Variants in KSR1 observed in about 807,000 individuals in gnomAD.
KSR1 encodes kinase suppressor of ras.
KSR1 carries 35 observed loss-of-function variants against 92.9 expected under a neutral mutation model. That is an observed-to-expected ratio of 0.38 (90% CI 0.29 to 0.50). The LOEUF is 0.50. Among genes scored for constraint, KSR1 ranks in the 20% least tolerant of loss-of-function variants. The pLI is 0.94. For synonymous variants in KSR1, 467 were observed against 472.6 expected (o/e 0.99, Z 0.15); for missense variants, 972 against 1,158.5 (o/e 0.84, Z 2.34).
chr17:27,486,126 C>T (rs570817048), intron 1 of KSR1, among the ~76,000 whole-genome samples: 1 of 152,328 alleles, frequency 6.6e-6, no homozygotes, highest in African/African-American at 2.4e-5. Flanking sequence ...ATACATGAAG[C>T]AGGCATGGTG....
intron 2 of KSR1, among the ~76,000 whole-genome samples, chr17:27,555,967 C>T (rs2071578821): frequency 6.6e-6 from 1 of 152,194 alleles, no homozygotes; most frequent in Non-Finnish European, 1.5e-5. Context: ...CCCTCACATT[C>T]CTCTGCGTGT....
At chr17:27,463,753 T>C (rs1222072517) in intron 1 of KSR1, among the ~76,000 whole-genome samples, 1 of 152,234 alleles carries the variant, frequency 6.6e-6, no homozygotes, top group Non-Finnish European at 1.5e-5. Flanking sequence ...CATAATCATA[T>C]GGTGAGGTCT....
intron 19 of KSR1, among the ~76,000 whole-genome samples, chr17:27,618,745 G>A (rs958817790): frequency 2.0e-5 from 3 of 152,240 alleles, no homozygotes; most frequent in African/African-American, 4.8e-5. Flanking sequence ...CATGTAGAAA[G>A]TGAATCGCTT....
chr17:27,588,361 A>G (rs1319694070), intron 5 of KSR1, 114 bp from the exon 6 acceptor site: 4 of 820,554 alleles, frequency 4.9e-6, no homozygotes, highest in South Asian at 2.0e-5. Flanking sequence ...AGATGCTTAT[A>G]TAATAAACCA....
At chr17:27,495,189 T>A (rs1487525601) in intron 1 of KSR1, among the ~76,000 whole-genome samples, 2 of 152,202 alleles carry the variant, frequency 1.3e-5, no homozygotes, top group Non-Finnish European at 1.5e-5. Context: ...TCTGAAAGAA[T>A]GCACGCCTCA....
At chr17:27,566,019 C>T (rs2072046874) in intron 2 of KSR1, among the ~76,000 whole-genome samples, 1 of 152,142 alleles carries the variant, frequency 6.6e-6, no homozygotes, top group Admixed American at 6.5e-5. Flanking sequence ...TCCTGTTGGT[C>T]TCCATACCAC....
chr17:27,490,569 G>C (rs1293919530), intron 1 of KSR1, among the ~76,000 whole-genome samples: 1 of 152,104 alleles, frequency 6.6e-6, no homozygotes, highest in Non-Finnish European at 1.5e-5. Flanking sequence ...ACAGAATGTA[G>C]GCAGCAAAGA....
chr17:27,610,113 G>C lies in KSR1; in HGVS notation c.2272G>C (p.Ala758Pro), dbSNP rs771047061. 6.2e-7 allele frequency: 1 copy of C among 1,613,886 alleles called. No homozygotes were observed. Among genetic ancestry groups the C allele is most frequent in the African/African-American group, 1.3e-5 (1 of 74,942 alleles). ...GTCCCACGACTGGCTGTGCTATCTGGCCCCTGAGATTGTACGCGAGATGAC... is the reference window on the plus strand; with the variant it reads ...GTCCCACGACTGGCTGTGCTATCTGCCCCCTGAGATTGTACGCGAGATGAC... ...KLSHDWLCYL[A>P]PEIVREMTPG... The change falls in exon 17 of 21, where the codon GCC (alanine) becomes CCC (proline). Residue 758 changes from alanine to proline, a missense_variant. Physicochemically the swap from Ala to Pro is conservative, Grantham distance 27 (BLOSUM62 -1). Around this residue, in one of 5 missense-constraint regions of KSR1, gnomAD observed 260 missense variants for 375.2 expected, o/e 0.69. Coordinates refer to ENST00000644974, the MANE Select transcript of KSR1 (RefSeq NM_001394583.1).
intron 1 of KSR1, among the ~76,000 whole-genome samples, chr17:27,484,012 G>A (rs1487281242): frequency 6.6e-6 from 1 of 152,214 alleles, no homozygotes; most frequent in Non-Finnish European, 1.5e-5. Flanking sequence ...TTGCAGTGGT[G>A]GAGGGTGGGG....
At chr17:27,619,248 A>G (rs998590145) in intron 19 of KSR1, among the ~76,000 whole-genome samples, 15 of 152,254 alleles carry the variant, frequency 9.9e-5, no homozygotes, top group African/African-American at 3.6e-4. Flanking sequence ...TATCCTAGGA[A>G]GGGTCAGGTA....
At position 27,604,733 on chromosome 17, in the gene KSR1, G is replaced by A. The variant is rs2073690922; in HGVS notation, c.1614+5G>A. 1 of 1,613,982 alleles carries A rather than the reference G, an allele frequency of 6.2e-7. No individual in the cohort carries two copies. ...TTGGAAGCTCACGAAGCGGAGGTGA[G>A]GGTGACACACACGTGTCCACAGATG... On this transcript the variant is annotated splice_donor_5th_base_variant and intron_variant, in intron 13 of 20. Transcript: ENST00000644974.
intron 1 of KSR1, among the ~76,000 whole-genome samples, chr17:27,478,342 C>G (rs1488164053): frequency 6.6e-6 from 1 of 152,142 alleles, no homozygotes; most frequent in African/African-American, 2.4e-5. Flanking sequence ...TTACCTTGGT[C>G]AAGTTATTTT....
At chr17:27,530,135 C>T (rs1177871646) in intron 1 of KSR1, among the ~76,000 whole-genome samples, 5 of 152,148 alleles carry the variant, frequency 3.3e-5, no homozygotes, top group Admixed American at 3.3e-4. Context: ...GCATCTTTGC[C>T]TTTGGAATCA....
chr17:27,513,418 CCTT>C (rs1333794500), intron 1 of KSR1, among the ~76,000 whole-genome samples: 1 of 151,826 alleles, frequency 6.6e-6, no homozygotes, highest in Non-Finnish European at 1.5e-5. Context: ...TAGCAAGACT[CCTT>C]CTCTATAAAA....
At chr17:27,471,674 G>A (rs2150923154) in intron 1 of KSR1, among the ~76,000 whole-genome samples, 1 of 152,280 alleles carries the variant, frequency 6.6e-6, no homozygotes, top group South Asian at 2.1e-4. Context: ...TCAGCAAACA[G>A]GTGTCCTCCT....
At chr17:27,607,643 T>C (rs2073796081) in intron 14 of KSR1, among the ~76,000 whole-genome samples, 1 of 152,198 alleles carries the variant, frequency 6.6e-6, no homozygotes, top group Admixed American at 6.5e-5. Flanking sequence ...AGAGCTTTGA[T>C]GCACTGTTTC....
chr17:27,476,315 A>T (rs2068343891), intron 1 of KSR1, among the ~76,000 whole-genome samples: 2 of 152,198 alleles, frequency 1.3e-5, no homozygotes, highest in Non-Finnish European at 2.9e-5. Flanking sequence ...CCAGTCCCAG[A>T]TTCTGCTGAG....
At chr17:27,537,203 G>T (rs2070781816) in intron 1 of KSR1, among the ~76,000 whole-genome samples, 1 of 152,174 alleles carries the variant, frequency 6.6e-6, no homozygotes, top group Non-Finnish European at 1.5e-5. Context: ...CAAACACTCA[G>T]CATCAACTGA....
chr17:27,528,293 C>T (rs1366821105), intron 1 of KSR1, among the ~76,000 whole-genome samples: 1 of 151,998 alleles, frequency 6.6e-6, no homozygotes, highest in Non-Finnish European at 1.5e-5. Flanking sequence ...TCTCAAACTC[C>T]TGACCTCAGG....
Sources: allele counts gnomAD v4.1 joint callset (sites outside exome capture counted in the v4.1 genomes callset), GRCh38; gene constraint gnomAD v4.1.1; regional missense constraint gnomAD v4.1.1; transcripts MANE v1.5; gene names NCBI Gene and HGNC (gene_info 2026-07-23, HGNC 2026-07-21).